The following PLEKHG1 variants were observed in gnomAD, a reference collection of about 807,000 sequenced individuals.
The protein encoded by PLEKHG1 is pleckstrin homology and RhoGEF domain containing G1, also known as pleckstrin homology domain-containing family G member 1.
Under a neutral mutation model 100.8 loss-of-function variants are expected in PLEKHG1, and 44 were observed. That is an observed-to-expected ratio of 0.44 (90% CI 0.34 to 0.56). The LOEUF (loss-of-function observed/expected upper bound fraction) is 0.56, where lower values mean the gene tolerates loss of function less well. Ranked by LOEUF, PLEKHG1 falls within the 20% of genes least tolerant of loss-of-function variation. PLEKHG1 has a pLI of 0.01. For missense variants in PLEKHG1, 1,545 were observed against 1,720.9 expected (o/e 0.90, Z 1.81); for synonymous variants, 640 against 662.5 (o/e 0.97, Z 0.52).
rs373536050 is a variant in PLEKHG1 at position 150,813,011 on chromosome 6, A to G, written c.1278+3277A>G. Among the ~76,000 whole-genome samples the G allele has an allele frequency of 4.0e-4, 61 of 152,272 alleles. 1 individual carries two copies. Among genetic ancestry groups the G allele is most frequent in the African/African-American group, 1.3e-3 (55 of 41,562 alleles). Reference sequence around the variant, plus strand: ...TCTGAGGGAAAGTGGAAAGGATCAGAAGAACACTTGCTGGCCGGGCGCGGT... The same window carrying G: ...TCTGAGGGAAAGTGGAAAGGATCAGGAGAACACTTGCTGGCCGGGCGCGGT... On this transcript the variant is annotated intron_variant, in intron 10 of 15. Coordinates refer to ENST00000358517, the Ensembl canonical transcript of PLEKHG1.
chr6:150,708,071 TC>T (rs970791473), intron 3 of PLEKHG1, among the ~76,000 whole-genome samples: 1 of 152,204 alleles, frequency 6.6e-6, no homozygotes, highest in Non-Finnish European at 1.5e-5. Context: ...AAATCCCTGT[TC>T]TTTTCCTTAT....
chr6:150,750,546 C>A (rs1230833042), intron 2 of PLEKHG1, among the ~76,000 whole-genome samples: 2 of 151,576 alleles, frequency 1.3e-5, no homozygotes, highest in African/African-American at 2.4e-5. Context: ...TTTGGGAGGC[C>A]GAGGCGGGCG....
chr6:150,797,803 C>T (rs1335890397), intron 5 of PLEKHG1, among the ~76,000 whole-genome samples: 2 of 127,616 alleles, frequency 1.6e-5, no homozygotes, highest in Non-Finnish European at 3.1e-5. Flanking sequence ...CCACTGCACT[C>T]CAGCCTTGGC....
intron 4 of PLEKHG1, among the ~76,000 whole-genome samples, 162 bp downstream of exon 5, chr6:150,786,621 G>C (rs1785637586): frequency 6.6e-6 from 1 of 152,120 alleles, no homozygotes; most frequent in Non-Finnish European, 1.5e-5. Flanking sequence ...TGTTCCTGGA[G>C]CCAGGGAGAT....
intron 2 of PLEKHG1, among the ~76,000 whole-genome samples, chr6:150,645,420 C>T (rs1240643086): frequency 6.6e-6 from 1 of 152,044 alleles, no homozygotes; most frequent in Non-Finnish European, 1.5e-5. Context: ...TTAAACAAGA[C>T]AAAAATCTTT....
At chr6:150,751,911 G>A (rs1783532497) in intron 2 of PLEKHG1, among the ~76,000 whole-genome samples, 2 of 152,144 alleles carry the variant, frequency 1.3e-5, no homozygotes, top group Non-Finnish European at 2.9e-5. Flanking sequence ...TGTAGTGGCC[G>A]GGCGAGGTGG....
At chr6:150,753,428 G>GCTT (rs1783641324) in intron 2 of PLEKHG1, among the ~76,000 whole-genome samples, 3 of 152,136 alleles carry the variant, frequency 2.0e-5, no homozygotes, top group Admixed American at 1.3e-4. Context: ...TCATAATGGG[G>GCTT]CTTACGGTGA....
intron 1 of PLEKHG1, among the ~76,000 whole-genome samples, chr6:150,608,797 G>A (rs1159218075): frequency 1.3e-5 from 2 of 152,222 alleles, no homozygotes; most frequent in African/African-American, 4.8e-5. Flanking sequence ...CGGGAATAGT[G>A]TAGAAATTGG....
At position 150,831,460 on chromosome 6, in the gene PLEKHG1, A is replaced by T. The variant is rs1285800762; in HGVS notation, c.2349A>T (p.Pro783=). Residue 783 remains proline (P), a synonymous_variant, in exon 15 of 16, where the codon CCA becomes CCT. Coordinates refer to ENST00000358517, the Ensembl canonical transcript of PLEKHG1. This position sits in a 1 kb window ranked among gnomAD's most constrained non-coding sequence, Gnocchi z 4.1. Reference sequence around the variant, plus strand: ...TCGTGTGCTGTGACAGCCTGAGGCCATTTGTTTCCCAAGACAGCCTCCAGC... The same window carrying T: ...TCGTGTGCTGTGACAGCCTGAGGCCTTTTGTTTCCCAAGACAGCCTCCAGC... 6.2e-7 allele frequency: 1 copy of T among 1,614,092 alleles called. No homozygotes were observed. The highest frequency in any genetic ancestry group is 1.1e-5 in the South Asian group (1 of 91,076).
intron 3 of PLEKHG1, among the ~76,000 whole-genome samples, chr6:150,706,880 C>G (rs1453826143): frequency 6.6e-6 from 1 of 151,138 alleles, no homozygotes; most frequent in African/African-American, 2.4e-5. Context: ...TGAATTTTTC[C>G]CCACCCCTCC....
intron 14 of PLEKHG1, among the ~76,000 whole-genome samples, chr6:150,826,605 C>G (rs1473280521): frequency 2.0e-5 from 3 of 152,164 alleles, no homozygotes; most frequent in Non-Finnish European, 4.4e-5. Context: ...CACTTTTTAC[C>G]ATGACTTTCA....
At chr6:150,756,030 T>A (rs531679042) in intron 2 of PLEKHG1, among the ~76,000 whole-genome samples, 1 of 152,172 alleles carries the variant, frequency 6.6e-6, no homozygotes, top group Non-Finnish European at 1.5e-5. Context: ...AAATCACTTA[T>A]GGAAACCTCG....
At chr6:150,625,362 C>G (rs1363098538) in intron 1 of PLEKHG1, among the ~76,000 whole-genome samples, 1 of 152,134 alleles carries the variant, frequency 6.6e-6, no homozygotes, top group East Asian at 1.9e-4. Context: ...CTTGCAGATA[C>G]TGTCTTCTCC....
rs1776267010 is a variant in PLEKHG1, at chr6:150,600,067, AG to A, written c.-204+56del. 4.3e-5 allele frequency: 8 copies of A among 186,038 alleles called. No individual in the cohort carries two copies. Among genetic ancestry groups the A allele is most frequent in the East Asian group, 1.9e-4 (1 of 5,220 alleles). The allele number at this position is 186,038 out of a possible 1,614,324, so 11.5% of individuals were successfully genotyped here. On this transcript the variant is annotated intron_variant, in intron 1 of 3. Coordinates refer to the PLEKHG1 transcript ENST00000367326. The surrounding 1 kb of genome is among the most constrained non-coding windows in gnomAD (Gnocchi z 6.2). ...CCCTGGGGACTTTTCCAGGGATGGG[AG>A]GGGGGACCCGGGGACCTCCGGCGGG...
At chr6:150,628,779 A>G (rs936278468) in intron 1 of PLEKHG1, among the ~76,000 whole-genome samples, 1 of 152,228 alleles carries the variant, frequency 6.6e-6, no homozygotes. Context: ...CCTGTAGAAT[A>G]AGAACCTGTG....
chr6:150,704,943 G>A (rs1780944782), intron 3 of PLEKHG1, among the ~76,000 whole-genome samples: 1 of 152,036 alleles, frequency 6.6e-6, no homozygotes, highest in South Asian at 2.1e-4. Context: ...CTTCCTATAG[G>A]GACACCAGTC....
chr6:150,759,897 C>T (rs1322718977), intron 2 of PLEKHG1, among the ~76,000 whole-genome samples: 2 of 152,002 alleles, frequency 1.3e-5, no homozygotes, highest in Non-Finnish European at 2.9e-5. Flanking sequence ...ACTGGGAAGG[C>T]TGAGGCGGGA....
upstream of PLEKHG1, among the ~76,000 whole-genome samples, chr6:150,717,481 G>C (rs547403230): frequency 3.4e-3 from 512 of 152,238 alleles, no homozygotes; most frequent in Admixed American, 9.7e-3. Context: ...CGCCCGGCCT[G>C]GGAAGGGATT....
At chr6:150,779,180 T>C (rs1583111220) in intron 3 of PLEKHG1, among the ~76,000 whole-genome samples, 1 of 151,992 alleles carries the variant, frequency 6.6e-6, no homozygotes, top group Non-Finnish European at 1.5e-5. Flanking sequence ...GCTCTGTGGT[T>C]CTTGAGTGCC....
Sources: gnomAD v4.1 joint callset for allele counts (sites outside exome capture counted in the v4.1 genomes callset) on GRCh38, gnomAD v4.1.1 for gene constraint, Gnocchi (gnomAD v3.1) non-coding constraint, MANE v1.5 for transcripts, NCBI Gene and HGNC (gene_info 2026-07-23, HGNC 2026-07-21) for gene names.